Variants in NOVA1 observed in about 807,000 individuals in gnomAD.
NOVA1 encodes RNA-binding protein Nova-1.
NOVA1 carries 7 observed loss-of-function variants against 38.0 expected under a neutral mutation model. That is an observed-to-expected ratio of 0.18 (90% CI 0.10 to 0.35). The LOEUF (loss-of-function observed/expected upper bound fraction) is 0.35. Ranked by LOEUF, NOVA1 falls within the 10% of genes least tolerant of loss-of-function variation. NOVA1 has a pLI of 1.00. For synonymous variants in NOVA1, 270 were observed against 232.5 expected, an observed-to-expected ratio of 1.16 and a Z score of -1.47; for missense variants, 460 against 616.0, an observed-to-expected ratio of 0.75 and a Z score of 2.68.
intron 2 of NOVA1, among the ~76,000 whole-genome samples, chr14:26,590,163 C>T (rs1018931147): frequency 1.3e-5 from 2 of 152,008 alleles, no homozygotes; most frequent in East Asian, 1.9e-4. Context: ...AACAAACTAA[C>T]CTCTTTTTGG....
Position 26,554,062 on chromosome 14 carries a change from T to C in NOVA1, c.280+41348A>G, listed in dbSNP as rs1891327729. On this transcript the variant is annotated intron_variant, in intron 2 of 4. Transcript: ENST00000539517. The stretch of plus-strand genomic sequence containing the variant: ...TGCTCAGGAGGCTGAGGCAGGTGAA[T>C]TACTTCAACCTGGGAGGCAGAGGCT... Among the ~76,000 whole-genome samples, 7 of 150,622 alleles carry C rather than the reference T, an allele frequency of 4.6e-5. No homozygotes were observed. The South Asian group carries it at 1.5e-3, about 31-fold the overall frequency.
chr14:26,551,828 G>A (rs1891178787), intron 2 of NOVA1, among the ~76,000 whole-genome samples: 1 of 151,680 alleles, frequency 6.6e-6, no homozygotes, highest in South Asian at 2.1e-4. Flanking sequence ...TTTTTCTGTA[G>A]ATATAAAGAT....
intron 2 of NOVA1, among the ~76,000 whole-genome samples, chr14:26,575,066 G>C (rs1037955642): frequency 1.3e-5 from 2 of 152,150 alleles, no homozygotes; most frequent in East Asian, 1.9e-4. Flanking sequence ...CTACTGTTTA[G>C]GAGTTTTGAC....
chr14:26,520,154 A>G (rs528858698), intron 2 of NOVA1, among the ~76,000 whole-genome samples: 4 of 152,354 alleles, frequency 2.6e-5, no homozygotes, highest in African/African-American at 9.6e-5. Context: ...CTGTGTGAGG[A>G]TCACCTAATT....
intron 4 of NOVA1, chr14:26,470,537 A>G (rs761794474): frequency 8.1e-7 from 1 of 1,236,516 alleles, no homozygotes; most frequent in Non-Finnish European, 1.2e-6. Flanking sequence ...ACAATATAAC[A>G]GAGTATAGTG....
chr14:26,503,329 A>G (rs1475608402), intron 2 of NOVA1, among the ~76,000 whole-genome samples: 1 of 152,204 alleles, frequency 6.6e-6, no homozygotes, highest in East Asian at 1.9e-4. Flanking sequence ...TGGCACAATC[A>G]CACCAAAGGA....
intron 2 of NOVA1, among the ~76,000 whole-genome samples, chr14:26,551,424 A>T (rs1474789809): frequency 2.0e-5 from 3 of 152,114 alleles, no homozygotes; most frequent in African/African-American, 7.2e-5. Flanking sequence ...GTTTACTGCT[A>T]CGTAATTTCA....
intron 2 of NOVA1, among the ~76,000 whole-genome samples, chr14:26,491,916 C>A (rs1314847462): frequency 1.3e-5 from 2 of 151,862 alleles, no homozygotes; most frequent in South Asian, 2.1e-4. Flanking sequence ...ATTCTAGGAA[C>A]CTTGCAATTC....
chr14:26,579,053 C>CTTTTTTTTTTTTTTTT (rs869075814), intron 2 of NOVA1, among the ~76,000 whole-genome samples: 1 of 80,076 alleles, frequency 1.2e-5, no homozygotes, highest in Non-Finnish European at 2.1e-5. Context: ...AGGTGGTATT[C>CTTTTTTTTTTTTTTTT]TTTTTTTTTT....
intron 4 of NOVA1, among the ~76,000 whole-genome samples, chr14:26,458,481 T>C (rs1883362752): frequency 6.6e-6 from 1 of 152,150 alleles, no homozygotes; most frequent in South Asian, 2.1e-4. Context: ...ATATACACTA[T>C]GGAATACTAT....
In NOVA1 at chr14:26,503,620, ATT is replaced by A. The variant is rs71419898; in HGVS notation, c.281-23479_281-23478del. 2.0e-5 allele frequency among the ~76,000 whole-genome samples: 3 copies of A among 151,124 alleles called. No individual in the cohort carries two copies. The East Asian group carries it at 5.8e-4, about 29-fold the overall frequency. Reference sequence around the variant, plus strand: ...CCAAACGTTTTTTGACCCAGTAATCATTTTTTTTTAAAAATTAAAATTCACAA... The same window carrying A: ...CCAAACGTTTTTTGACCCAGTAATCATTTTTTTAAAAATTAAAATTCACAA... On this transcript the variant is annotated intron_variant, in intron 2 of 4. Coordinates refer to ENST00000539517, the MANE Select transcript of NOVA1 (RefSeq NM_002515.3).
chr14:26,475,230 C>T (rs144956614), intron 3 of NOVA1, among the ~76,000 whole-genome samples: 1,547 of 152,098 alleles, frequency 0.01, 24 homozygotes, highest in African/African-American at 0.035. Flanking sequence ...CAGGGTCTCG[C>T]TTTGTTGCCC....
chr14:26,472,281 C>T (rs373691624), intron 4 of NOVA1, 39 bp downstream of exon 4: 20 of 1,260,248 alleles, frequency 1.6e-5, no homozygotes, highest in Non-Finnish European at 2.2e-5. Context: ...GGCAATCACC[C>T]GTGAAAAGTA....
chr14:26,483,368 G>A (rs1359074876), intron 2 of NOVA1, among the ~76,000 whole-genome samples: 2 of 151,874 alleles, frequency 1.3e-5, no homozygotes, highest in African/African-American at 4.8e-5. Context: ...TTTTTCTATT[G>A]AATATTCCCA....
chr14:26,585,782 T>C (rs561201509), intron 2 of NOVA1, among the ~76,000 whole-genome samples: 2 of 127,998 alleles, frequency 1.6e-5, no homozygotes, highest in Admixed American at 1.7e-4. Flanking sequence ...TCACACAGGA[T>C]AGCATGCTAA....
chr14:26,495,381 G>C (rs1247714924), intron 2 of NOVA1, among the ~76,000 whole-genome samples: 1 of 152,148 alleles, frequency 6.6e-6, no homozygotes, highest in Non-Finnish European at 1.5e-5. Flanking sequence ...AACTTGGACT[G>C]TTTTGTTCAC....
chr14:26,492,956 TA>T (rs1886462169), intron 2 of NOVA1, among the ~76,000 whole-genome samples: 1 of 151,822 alleles, frequency 6.6e-6, no homozygotes, highest in South Asian at 2.1e-4. Flanking sequence ...AAATTAAAAT[TA>T]AAAATAAGTA....
chr14:26,531,809 T>G (rs1889737181), intron 2 of NOVA1, among the ~76,000 whole-genome samples: 1 of 152,064 alleles, frequency 6.6e-6, no homozygotes, highest in African/African-American at 2.4e-5. Context: ...GGAGAAAATA[T>G]TCACAACACA....
intron 2 of NOVA1, among the ~76,000 whole-genome samples, chr14:26,564,071 C>T (rs1891984880): frequency 6.6e-6 from 1 of 152,054 alleles, no homozygotes; most frequent in South Asian, 2.1e-4. Context: ...TTAACCCTGG[C>T]AATTTAGTTC....
Sources: allele counts gnomAD v4.1 joint callset (sites outside exome capture counted in the v4.1 genomes callset), GRCh38; gene constraint gnomAD v4.1.1; transcripts MANE v1.5; gene names NCBI Gene and HGNC (gene_info 2026-07-23, HGNC 2026-07-21).